Variants in CYP3A4 observed in about 807,000 individuals in gnomAD.
CYP3A4 encodes the protein cytochrome P450 3A4.
CYP3A4 carries 41 observed loss-of-function variants against 54.9 expected under a neutral mutation model. That is an observed-to-expected ratio of 0.75 (90% CI 0.58 to 0.97). The LOEUF (loss-of-function observed/expected upper bound fraction) is 0.97. Among genes scored for constraint, CYP3A4 ranks in the 50% least tolerant of loss-of-function variants. CYP3A4 has a pLI of 0.00. For missense variants in CYP3A4, 510 were observed against 597.3 expected (o/e 0.85, Z 1.52); for synonymous variants, 179 against 205.2 (o/e 0.87, Z 1.09).
intron 10 of CYP3A4, among the ~76,000 whole-genome samples, chr7:99,763,189 C>A (rs1440315791): frequency 6.6e-6 from 1 of 152,120 alleles, no homozygotes; most frequent in African/African-American, 2.4e-5. Context: ...CAGAGCAAGT[C>A]CTGCCAATAT....
Position 99,766,233 on chromosome 7 carries a change from A to C in CYP3A4, c.865+144T>G, listed in dbSNP as rs999971262. On this transcript the variant is annotated intron_variant, in intron 9 of 12. Coordinates refer to ENST00000651514, the MANE Select transcript of CYP3A4 (RefSeq NM_017460.6). ...CTGCATGCCTCTAGAAAGTGCCTCC[A>C]ACTACCACTTATAACATTCAAACAT... 3.1e-5 allele frequency: 32 copies of C among 1,016,340 alleles called. No homozygotes were observed. The African/African-American group carries it at 5.2e-4, about 17-fold the overall frequency. 63.0% of individuals were successfully genotyped at this position (1,016,340 alleles called of 1,614,324 possible).
intron 12 of CYP3A4, among the ~76,000 whole-genome samples, chr7:99,758,701 A>C (rs17161886): frequency 0.091 from 13,868 of 152,172 alleles, 2,073 homozygotes; most frequent in African/African-American, 0.31. Flanking sequence ...TGCAAGGTAA[A>C]CCTGGGTAGT....
chr7:99,781,620 A>G (rs749459397), intron 1 of CYP3A4, among the ~76,000 whole-genome samples: 1 of 152,204 alleles, frequency 6.6e-6, no homozygotes, highest in Non-Finnish European at 1.5e-5. Flanking sequence ...AGAGGTCACC[A>G]TCCTTCAACT....
chr7:99,758,269 A>G, intron 12 of CYP3A4, 41 bp from the exon 13 acceptor site: 2 of 1,598,658 alleles, frequency 1.3e-6, no homozygotes, highest in African/African-American at 1.3e-5. Context: ...CATTAAATAA[A>G]CAAAAGTAGA....
At chr7:99,761,934 C>A in intron 11 of CYP3A4, 107 bp downstream of exon 11, 1 of 1,018,784 alleles carries the variant, frequency 9.8e-7, no homozygotes, top group Non-Finnish European at 1.5e-6. Flanking sequence ...TATAAAAATA[C>A]AAGCAAATAA....
chr7:99,762,392 A>G, intron 10 of CYP3A4, 125 bp from the exon 11 acceptor site: 1 of 1,301,772 alleles, frequency 7.7e-7, no homozygotes, highest in South Asian at 1.4e-5. Flanking sequence ...GGATCGAAGC[A>G]TTTATAAAGT....
chr7:99,765,512 C>G (rs1015620354), intron 9 of CYP3A4, among the ~76,000 whole-genome samples: 1 of 151,784 alleles, frequency 6.6e-6, no homozygotes, highest in African/African-American at 2.4e-5. Context: ...AGATACATAG[C>G]TAGATAGATA....
intron 4 of CYP3A4, among the ~76,000 whole-genome samples, chr7:99,771,284 T>C (rs563807991): frequency 7.2e-5 from 11 of 152,124 alleles, no homozygotes; most frequent in Non-Finnish European, 1.2e-4. Context: ...GGATACCAGA[T>C]CAACACACAA....
At chr7:99,781,811 C>T (rs1416639124) in intron 1 of CYP3A4, among the ~76,000 whole-genome samples, 1 of 152,208 alleles carries the variant, frequency 6.6e-6, no homozygotes, top group East Asian at 1.9e-4. Flanking sequence ...TAGTATTCCA[C>T]ATAAGTAAAC....
At chr7:99,778,171 A>G (rs1815823341) in intron 2 of CYP3A4, 91 bp from the exon 3 acceptor site, 1 of 1,027,390 alleles carries the variant, frequency 9.7e-7, no homozygotes, top group African/African-American at 1.6e-5. Flanking sequence ...AAGCCAATGA[A>G]ATCAGACTTG....
intron 2 of CYP3A4, among the ~76,000 whole-genome samples, chr7:99,779,689 C>G (rs895853285): frequency 6.6e-6 from 1 of 152,148 alleles, no homozygotes; most frequent in Non-Finnish European, 1.5e-5. Context: ...TTCCTGGGAA[C>G]CTGCATAGAG....
At chr7:99,770,037 GA>G in intron 5 of CYP3A4, 84 bp downstream of exon 5, 1 of 1,530,428 alleles carries the variant, frequency 6.5e-7, no homozygotes. Context: ...CTACCCCTTG[GA>G]AAGGGACTGT....
Position 99,757,011 on chromosome 7 carries a change from A to C in CYP3A4, c.*1122T>G, listed in dbSNP as rs558444773. ...ATCGACTGTTTTTTATTAAGTGTTC[A>C]TTGCATCGAGACAGTTGGGTGTTGA... On this transcript the variant is annotated 3_prime_UTR_variant, in exon 13 of 13. Coordinates refer to ENST00000651514, the MANE Select transcript of CYP3A4 (RefSeq NM_017460.6). The C allele has an allele frequency of 6.6e-6, 1 of 152,286 alleles. No individual in the cohort carries two copies. The highest frequency in any genetic ancestry group is 2.4e-5 in the African/African-American group (1 of 41,566). The allele number at this position is 152,286 out of a possible 1,614,324, so 9.4% of individuals were successfully genotyped here. A position where few individuals can be genotyped will look rare whatever the true frequency, so the allele number is the denominator to read the frequency against.
chr7:99,769,752 C>T lies in CYP3A4; in HGVS notation c.521+16G>A, dbSNP rs1815578367. 3.7e-6 allele frequency: 6 copies of T among 1,613,524 alleles called. No homozygotes were observed. Among genetic ancestry groups the T allele is most frequent in the Non-Finnish European group, 4.2e-6 (5 of 1,179,668 alleles). The stretch of plus-strand genomic sequence containing the variant: ...TTCATGACAGCTCAGAACCCCATGG[C>T]TGCGCTTCTACTTACTCTTTCAAGG... On this transcript the variant is annotated intron_variant, in intron 6 of 12. Coordinates refer to ENST00000651514, the MANE Select transcript of CYP3A4 (RefSeq NM_017460.6).
chr7:99,759,317 A>T (rs1815256891), intron 12 of CYP3A4, among the ~76,000 whole-genome samples: 1 of 152,226 alleles, frequency 6.6e-6, no homozygotes, highest in African/African-American at 2.4e-5. Context: ...TAACTTCTTC[A>T]GAGAAAATAT....
At position 99,772,559 on chromosome 7, in the gene CYP3A4, A is replaced by G. The variant is rs371732540; in HGVS notation, c.318+31T>C. 22 of 1,609,124 alleles carry G rather than the reference A, an allele frequency of 1.4e-5. 1 individual carries two copies. The highest frequency in any genetic ancestry group is 1.9e-5 in the Non-Finnish European group (22 of 1,177,642). ...TTTCAAAATATAAATTTAATCAATCAGTATTTTAATTTCAACACATGAATG... is the reference window on the plus strand; with the variant it reads ...TTTCAAAATATAAATTTAATCAATCGGTATTTTAATTTCAACACATGAATG... On this transcript the variant is annotated intron_variant, in intron 4 of 12. Coordinates refer to ENST00000651514, the MANE Select transcript of CYP3A4 (RefSeq NM_017460.6).
chr7:99,776,182 A>G (rs1319565679), intron 3 of CYP3A4, among the ~76,000 whole-genome samples: 7 of 152,078 alleles, frequency 4.6e-5, no homozygotes, highest in Non-Finnish European at 1.0e-4. Context: ...ATCATTAAAA[A>G]GTCAGGAAAC....
intron 4 of CYP3A4, 113 bp from the exon 5 acceptor site, chr7:99,770,348 C>T (rs1383128038): frequency 5.1e-6 from 4 of 791,718 alleles, no homozygotes; most frequent in African/African-American, 1.9e-5. Context: ...TGACTGTCTA[C>T]TGGGTGATGG....
At chr7:99,771,778 T>A (rs945761099) in intron 4 of CYP3A4, among the ~76,000 whole-genome samples, 1 of 152,166 alleles carries the variant, frequency 6.6e-6, no homozygotes, top group Non-Finnish European at 1.5e-5. Flanking sequence ...CAGTGATCAA[T>A]GGGACACAGT....
Sources: gnomAD v4.1 joint callset for allele counts (sites outside exome capture counted in the v4.1 genomes callset) on GRCh38, gnomAD v4.1.1 for gene constraint, MANE v1.5 for transcripts, NCBI Gene and HGNC (gene_info 2026-07-23, HGNC 2026-07-21) for gene names.